The following CHODL variants were observed in gnomAD, a reference collection of about 807,000 sequenced individuals.
CHODL encodes the protein chondrolectin, also known as transmembrane protein MT75.
CHODL carries 29 observed loss-of-function variants against 34.5 expected under a neutral mutation model. That is an observed-to-expected ratio of 0.84 (90% CI 0.63 to 1.15). The LOEUF is 1.15. Among genes scored for constraint, CHODL ranks in the 50% most tolerant of loss-of-function variants. CHODL has a pLI of 0.00. For missense variants in CHODL, 332 were observed against 332.5 expected, an observed-to-expected ratio of 1.00 and a Z score of 0.01; for synonymous variants, 125 against 116.1, an observed-to-expected ratio of 1.08 and a Z score of -0.49.
At chr21:18,109,589 T>C (rs1017041893) in intron 2 of CHODL, among the ~76,000 whole-genome samples, 1 of 152,212 alleles carries the variant, frequency 6.6e-6, no homozygotes, top group African/African-American at 2.4e-5. Context: ...TCTGCTGTTT[T>C]ACCTCTTTCA....
chr21:17,928,314 G>C (rs1167777692), intron 1 of CHODL, among the ~76,000 whole-genome samples: 1 of 152,182 alleles, frequency 6.6e-6, no homozygotes, highest in Non-Finnish European at 1.5e-5. Context: ...AGAAGGTACA[G>C]TATAGATCAT....
intron 1 of CHODL, among the ~76,000 whole-genome samples, chr21:17,978,997 A>C (rs1478301805): frequency 6.6e-6 from 1 of 152,036 alleles, no homozygotes; most frequent in East Asian, 1.9e-4. Context: ...TCATGCTTGA[A>C]CTTTCCTTTG....
chr21:18,133,210 A>T (rs773454513), intron 2 of CHODL, among the ~76,000 whole-genome samples: 2 of 152,136 alleles, frequency 1.3e-5, no homozygotes, highest in Admixed American at 1.3e-4. Context: ...TTTGTGTGCA[A>T]TCCCTTCTGG....
chr21:17,920,719 T>C lies in CHODL; in HGVS notation c.-145+3319T>C, dbSNP rs990981124. Among the ~76,000 whole-genome samples, 8 of 152,328 alleles carry C rather than the reference T, an allele frequency of 5.3e-5. No homozygotes were observed. In the East Asian group the frequency reaches 9.6e-4, roughly 18 times the overall value. On this transcript the variant is annotated intron_variant, in intron 1 of 6. Transcript: ENST00000400127. ...TATTATTATTAACATTGTATGAGGA[T>C]TAGCTGCAGTCAGTAGAGAGTGAGA... is the stretch of plus-strand genomic sequence containing the variant.
intron 1 of CHODL, among the ~76,000 whole-genome samples, chr21:17,930,705 G>A (rs2063265579): frequency 6.6e-6 from 1 of 152,198 alleles, no homozygotes; most frequent in Admixed American, 6.5e-5. Context: ...CTAGCCCAGT[G>A]ATGGCACCTG....
At chr21:18,204,650 G>T (rs562803865) in intron 2 of CHODL, among the ~76,000 whole-genome samples, 7 of 152,016 alleles carry the variant, frequency 4.6e-5, no homozygotes, top group African/African-American at 1.4e-4. Flanking sequence ...GCATATTTTT[G>T]ATATGAAACA....
intron 2 of CHODL, among the ~76,000 whole-genome samples, chr21:18,154,961 C>T (rs1374549819): frequency 6.6e-6 from 1 of 152,106 alleles, no homozygotes; most frequent in Non-Finnish European, 1.5e-5. Context: ...AGTGGACAGG[C>T]ACAAGGTCAT....
upstream of CHODL, among the ~76,000 whole-genome samples, chr21:18,243,938 T>C (rs2074105491): frequency 6.6e-6 from 1 of 152,128 alleles, no homozygotes; most frequent in South Asian, 2.1e-4. Context: ...AATGAGAAAA[T>C]ACCAATTCTA....
At chr21:18,073,012 A>G (rs2064823834) in intron 2 of CHODL, among the ~76,000 whole-genome samples, 1 of 152,134 alleles carries the variant, frequency 6.6e-6, no homozygotes, top group African/African-American at 2.4e-5. Context: ...GCTTCTTATC[A>G]ATGTGTAACT....
At chr21:18,204,946 C>T (rs972923619) in intron 2 of CHODL, among the ~76,000 whole-genome samples, 6 of 152,144 alleles carry the variant, frequency 3.9e-5, no homozygotes, top group African/African-American at 4.8e-5. Context: ...TCTAGTGTCA[C>T]GTATATTTTA....
At chr21:18,103,479 GT>G (rs1320767082) in intron 2 of CHODL, among the ~76,000 whole-genome samples, 4 of 152,040 alleles carry the variant, frequency 2.6e-5, no homozygotes, top group African/African-American at 4.8e-5. Flanking sequence ...AAAACTCAGT[GT>G]CTTAAAACAA....
At chr21:17,984,293 C>CTATTTA (rs2063736949) in intron 1 of CHODL, among the ~76,000 whole-genome samples, 2 of 152,144 alleles carry the variant, frequency 1.3e-5, no homozygotes, top group Non-Finnish European at 2.9e-5. Flanking sequence ...TCAATGGACA[C>CTATTTA]TATATCTTGG....
intron 1 of CHODL, among the ~76,000 whole-genome samples, chr21:17,937,292 A>G (rs73321579): frequency 0.018 from 2,813 of 152,130 alleles, 62 homozygotes; most frequent in African/African-American, 0.055. Context: ...TGCCACAGAG[A>G]GGAGAATACC....
chr21:17,945,828 A>G (rs1210079016), intron 1 of CHODL, among the ~76,000 whole-genome samples: 1 of 152,212 alleles, frequency 6.6e-6, no homozygotes, highest in Non-Finnish European at 1.5e-5. Flanking sequence ...ATTAAAGACT[A>G]ATAACAAATT....
At chr21:18,060,476 A>G (rs1223663866) in intron 2 of CHODL, among the ~76,000 whole-genome samples, 1 of 151,560 alleles carries the variant, frequency 6.6e-6, no homozygotes, top group Non-Finnish European at 1.5e-5. Context: ...AAATAAATAA[A>G]ATTATCAAAC....
In CHODL at chr21:18,028,273, TTTCCCCTTCCTTCCTTCC is replaced by T. The variant is rs1312940735; in HGVS notation, c.-45+307_-45+324del. ...TTTTCCTTTTCTTTTTCTTTTTCCT[TTTCCCCTTCCTTCCTTCC>T]TTCCTTCCTTCCTTCCTTCCTTCCT... On this transcript the variant is annotated intron_variant, in intron 2 of 6. Transcript: ENST00000400127. Among the ~76,000 whole-genome samples the T allele has an allele frequency of 3.3e-3, 225 of 67,628 alleles. 6 individuals are homozygous for T. The East Asian group carries it at 0.05, about 15-fold the overall frequency. 44.4% of individuals were successfully genotyped at this position (67,628 alleles called of 152,430 possible). A position where few individuals can be genotyped will look rare whatever the true frequency, so the allele number is the denominator to read the frequency against.
chr21:18,119,118 A>G (rs925975890), intron 2 of CHODL, among the ~76,000 whole-genome samples: 1 of 152,196 alleles, frequency 6.6e-6, no homozygotes, highest in African/African-American at 2.4e-5. Flanking sequence ...ATGTTTAATG[A>G]GTACAATTTG....
At chr21:18,015,117 G>A (rs1034456133) in intron 1 of CHODL, among the ~76,000 whole-genome samples, 9 of 152,176 alleles carry the variant, frequency 5.9e-5, no homozygotes, top group Non-Finnish European at 1.3e-4. Flanking sequence ...GATCTCAGAT[G>A]GTGATATGGT....
chr21:17,947,474 CTG>C (rs1275410938), intron 1 of CHODL, among the ~76,000 whole-genome samples: 1 of 151,796 alleles, frequency 6.6e-6, no homozygotes, highest in Non-Finnish European at 1.5e-5. Context: ...TATTTGCAAA[CTG>C]TGCATCTGAC....
Sources: gnomAD v4.1 joint callset for allele counts (sites outside exome capture counted in the v4.1 genomes callset) on GRCh38, gnomAD v4.1.1 for gene constraint, MANE v1.5 for transcripts, NCBI Gene and HGNC (gene_info 2026-07-23, HGNC 2026-07-21) for gene names.